Variants in STXBP4 observed in about 807,000 individuals in gnomAD.
The protein encoded by STXBP4 is syntaxin-binding protein 4.
STXBP4 carries 55 observed loss-of-function variants against 76.1 expected under a neutral mutation model. That is an observed-to-expected ratio of 0.72 (90% confidence interval 0.58 to 0.91). The LOEUF is 0.91. STXBP4 is among the 40% of genes least tolerant of loss of function. The probability of loss-of-function intolerance (pLI) is 0.00; values close to 1 mark genes in which losing one functional copy is unlikely to be tolerated. For synonymous variants in STXBP4, 201 were observed against 220.2 expected (o/e 0.91, Z 0.77); for missense variants, 618 against 636.9 (o/e 0.97, Z 0.32).
At chr17:54,979,578 CCAAT>C (rs1275650313) in intron 1 of STXBP4, among the ~76,000 whole-genome samples, 8 of 152,158 alleles carry the variant, frequency 5.3e-5, no homozygotes, top group Admixed American at 3.9e-4. Context: ...CTGAAATTCT[CCAAT>C]CAGTCTACAG....
chr17:54,983,565 C>G (rs945975367), intron 1 of STXBP4, among the ~76,000 whole-genome samples: 1 of 151,908 alleles, frequency 6.6e-6, no homozygotes, highest in African/African-American at 2.4e-5. Flanking sequence ...TTTTCTAATG[C>G]CATATTACTA....
At chr17:54,990,756 G>A (rs186071332) in intron 3 of STXBP4, 69 bp from the exon 4 acceptor site, 1 of 1,497,502 alleles carries the variant, frequency 6.7e-7, no homozygotes, top group Non-Finnish European at 8.9e-7. Context: ...GATTTAATAA[G>A]TAGTTTAAAG....
At chr17:55,140,923 G>A (rs2080087977) in intron 16 of STXBP4, among the ~76,000 whole-genome samples, 1 of 152,160 alleles carries the variant, frequency 6.6e-6, no homozygotes, top group South Asian at 2.1e-4. Context: ...AGAATGTAAA[G>A]GGAGCCAATT....
chr17:55,135,977 C>T (rs893656591), intron 16 of STXBP4, among the ~76,000 whole-genome samples: 2 of 152,260 alleles, frequency 1.3e-5, no homozygotes, highest in African/African-American at 2.4e-5. Context: ...CAAATGCTTA[C>T]ATTCAAATCA....
intron 16 of STXBP4, among the ~76,000 whole-genome samples, chr17:55,101,589 A>G (rs1005537423): frequency 3.9e-5 from 6 of 152,218 alleles, no homozygotes; most frequent in African/African-American, 1.4e-4. Flanking sequence ...TCATTAAGTT[A>G]TCTCATCCAT....
At chr17:54,991,309 T>C (rs1276823827) in intron 4 of STXBP4, 2 of 154,246 alleles carry the variant, frequency 1.3e-5, no homozygotes, top group African/African-American at 4.8e-5. Context: ...AGTAGAACTT[T>C]AATTACATTC....
chr17:55,184,785 C>G, the STXBP4 span, among the ~76,000 whole-genome samples: 1 of 152,132 alleles, frequency 6.6e-6, no homozygotes, highest in African/African-American at 2.4e-5. Flanking sequence ...GAACAATAGG[C>G]AAAAATTGAA....
chr17:55,097,119 G>A (rs533406056), intron 16 of STXBP4, among the ~76,000 whole-genome samples: 2 of 152,208 alleles, frequency 1.3e-5, no homozygotes, highest in South Asian at 4.2e-4. Context: ...AAAGCAATTA[G>A]TTCTTGGGAC....
chr17:55,020,136 T>C (rs2078282298), intron 8 of STXBP4, among the ~76,000 whole-genome samples: 1 of 152,202 alleles, frequency 6.6e-6, no homozygotes, highest in Non-Finnish European at 1.5e-5. Flanking sequence ...TGTTACCCGT[T>C]CAATTACATA....
the STXBP4 span, among the ~76,000 whole-genome samples, chr17:55,211,193 A>G: frequency 6.6e-6 from 1 of 152,038 alleles, no homozygotes; most frequent in African/African-American, 2.4e-5. Flanking sequence ...ATTCATTTCA[A>G]TCATGCTGAT....
intron 4 of STXBP4, 75 bp downstream of exon 4, chr17:54,991,032 T>G (rs2077708404): frequency 2.8e-6 from 4 of 1,414,984 alleles, no homozygotes; most frequent in Non-Finnish European, 3.7e-6. Context: ...TTTTTCTTCT[T>G]TATTAGTGAA....
At chr17:55,065,108 CT>C (rs2144838721) in intron 12 of STXBP4, among the ~76,000 whole-genome samples, 1 of 152,184 alleles carries the variant, frequency 6.6e-6, no homozygotes, top group Admixed American at 6.5e-5. Context: ...TTTCTAGTTG[CT>C]TTTTCAATCA....
intron 17 of STXBP4, among the ~76,000 whole-genome samples, chr17:55,152,651 T>G (rs954886317): frequency 3.9e-5 from 6 of 152,080 alleles, no homozygotes; most frequent in African/African-American, 1.4e-4. Flanking sequence ...AACCATCTGA[T>G]CTTGTAAGAA....
At chr17:55,204,981 A>G in the STXBP4 span, among the ~76,000 whole-genome samples, 3 of 152,272 alleles carry the variant, frequency 2.0e-5, no homozygotes, top group Admixed American at 1.3e-4. Flanking sequence ...TTTATATTAT[A>G]TATATGTTGT....
At chr17:55,186,987 C>T in the STXBP4 span, among the ~76,000 whole-genome samples, 3 of 152,110 alleles carry the variant, frequency 2.0e-5, no homozygotes, top group South Asian at 2.1e-4. Context: ...ACAAAGAAAC[C>T]ATGAAAGGTA....
chr17:54,968,864 C>A, intron 1 of STXBP4, 49 bp downstream of exon 1: 1 of 545,434 alleles, frequency 1.8e-6, no homozygotes, highest in Non-Finnish European at 3.3e-6. Context: ...TCGCTTCTCG[C>A]CAGAACGTCT....
At chr17:55,131,371 T>C (rs541195810) in intron 16 of STXBP4, among the ~76,000 whole-genome samples, 1 of 152,342 alleles carries the variant, frequency 6.6e-6, no homozygotes. Context: ...TATGGTAGTA[T>C]AAAGTGAATG....
At chr17:55,207,327 C>T in the STXBP4 span, among the ~76,000 whole-genome samples, 1 of 152,092 alleles carries the variant, frequency 6.6e-6, no homozygotes, top group African/African-American at 2.4e-5. Flanking sequence ...CAGACACACT[C>T]GAGGCTCCCC....
intron 10 of STXBP4, among the ~76,000 whole-genome samples, chr17:55,040,668 A>G (rs1304970007): frequency 1.3e-5 from 2 of 152,194 alleles, no homozygotes; most frequent in Non-Finnish European, 2.9e-5. Flanking sequence ...ATTTCTTGAC[A>G]TCTCCAGAAG....
Sources: allele counts gnomAD v4.1 joint callset (sites outside exome capture counted in the v4.1 genomes callset), GRCh38; gene constraint gnomAD v4.1.1; transcripts MANE v1.5; gene names NCBI Gene and HGNC (gene_info 2026-07-23, HGNC 2026-07-21).